ZDHHC15: variants seen among roughly 807,000 people sequenced by gnomAD.
ZDHHC15 encodes the protein zDHHC palmitoyltransferase 15.
A neutral mutation model predicts 31.7 loss-of-function variants in ZDHHC15; 19 were observed. The observed-to-expected ratio is 0.60, with a 90% confidence interval of 0.42 to 0.88. ZDHHC15 has a LOEUF of 0.88. ZDHHC15 is among the 40% of genes least tolerant of loss of function. The pLI, the probability that ZDHHC15 is intolerant of heterozygous loss-of-function variation, is 0.00. For synonymous variants in ZDHHC15, 103 were observed against 90.0 expected (o/e 1.14, Z -0.82); for missense variants, 209 against 251.2 (o/e 0.83, Z 1.14).
At chrX:75,443,945 A>G (rs2083986256) in intron 4 of ZDHHC15, among the ~76,000 whole-genome samples, 1 of 110,409 alleles carries the variant, frequency 9.1e-6, no homozygotes, top group Admixed American at 9.7e-5. Flanking sequence ...TTAGAATGGC[A>G]ATCATTAAAA....
chrX:75,478,797 G>C, intron 3 of ZDHHC15, 94 bp downstream of exon 3: 1 of 638,777 alleles, frequency 1.6e-6, no homozygotes, highest in Non-Finnish European at 2.4e-6. Context: ...TGACTCTTTC[G>C]TATTATTTAC....
At chrX:75,454,684 G>A (rs1387236656) in intron 3 of ZDHHC15, among the ~76,000 whole-genome samples, 2 of 111,243 alleles carry the variant, frequency 1.8e-5, no homozygotes, top group East Asian at 2.8e-4. Flanking sequence ...TTAACGGGTG[G>A]AGCACACCAA....
At chrX:75,413,888 C>T (rs2083514661) in intron 10 of ZDHHC15, among the ~76,000 whole-genome samples, 1 of 109,269 alleles carries the variant, frequency 9.2e-6, no homozygotes. Context: ...CAGCAGTTTT[C>T]ATTTAAGAAT....
intron 1 of ZDHHC15, among the ~76,000 whole-genome samples, chrX:75,522,589 C>T (rs2085458000): frequency 9.0e-6 from 1 of 110,882 alleles, no homozygotes; most frequent in South Asian, 3.9e-4. Context: ...GCACAAGGTG[C>T]AGATGGTTGC....
intron 10 of ZDHHC15, among the ~76,000 whole-genome samples, chrX:75,395,052 C>T (rs1452141763): frequency 9.0e-6 from 1 of 111,142 alleles, no homozygotes; most frequent in Non-Finnish European, 1.9e-5. Context: ...AAATCAATAA[C>T]AAGAGGAAGT....
intron 9 of ZDHHC15, among the ~76,000 whole-genome samples, chrX:75,419,823 A>G (rs753306521): frequency 6.5e-5 from 7 of 107,588 alleles, no homozygotes; most frequent in African/African-American, 2.0e-4. Flanking sequence ...GCTGGAAACC[A>G]TCATTCTCGG....
At chrX:75,406,061 C>G (rs896759615) in intron 10 of ZDHHC15, among the ~76,000 whole-genome samples, 1 of 111,655 alleles carries the variant, frequency 9.0e-6, no homozygotes, top group African/African-American at 3.3e-5. Flanking sequence ...AACCCTGGAA[C>G]CTGCACAAAC....
chrX:75,499,293 A>G (rs1335983393), intron 2 of ZDHHC15, among the ~76,000 whole-genome samples: 1 of 112,051 alleles, frequency 8.9e-6, no homozygotes, highest in Non-Finnish European at 1.9e-5. Context: ...GACTTAAACT[A>G]AAAAGCTTCT....
rs145229482 is a variant in ZDHHC15 at position 75,410,602 on chromosome X, C to A, written c.967+6485G>T. 2.9e-4 allele frequency among the ~76,000 whole-genome samples: 32 copies of A among 111,606 alleles called. No individual in the cohort carries two copies. The East Asian group carries it at 7.9e-3, about 28-fold the overall frequency. ...ACCGTGAATAATGGATGCTACCAAGCACATGAAAGGGGAATGCTTGCACAC... is the reference window on the plus strand; with the variant it reads ...ACCGTGAATAATGGATGCTACCAAGAACATGAAAGGGGAATGCTTGCACAC... On this transcript the variant is annotated intron_variant, in intron 10 of 11. Coordinates refer to ENST00000373367, the MANE Select transcript of ZDHHC15 (RefSeq NM_144969.3).
At chrX:75,375,549 C>A (rs1176728104) in intron 11 of ZDHHC15, among the ~76,000 whole-genome samples, 2 of 111,054 alleles carry the variant, frequency 1.8e-5, no homozygotes, top group Non-Finnish European at 3.8e-5. Context: ...GTTTTTCAAC[C>A]CACCCCCTTC....
At chrX:75,409,185 C>T (rs73220085) in intron 10 of ZDHHC15, among the ~76,000 whole-genome samples, 87 of 111,780 alleles carry the variant, frequency 7.8e-4, no homozygotes, top group Non-Finnish European at 1.4e-3. Context: ...ACCACACTAC[C>T]TAATTTCAAA....
chrX:75,460,449 C>T (rs2084294950), intron 3 of ZDHHC15, among the ~76,000 whole-genome samples: 1 of 111,561 alleles, frequency 9.0e-6, no homozygotes, highest in Admixed American at 9.5e-5. Flanking sequence ...CAGACTGCTT[C>T]TTTAAGTGGG....
intron 1 of ZDHHC15, among the ~76,000 whole-genome samples, chrX:75,514,821 C>T: frequency 9.0e-6 from 1 of 111,383 alleles, no homozygotes; most frequent in African/African-American, 3.3e-5. Context: ...AATTGTGAGG[C>T]AGCAGCAAGA....
At chrX:75,455,595 A>G (rs1025683565) in intron 3 of ZDHHC15, among the ~76,000 whole-genome samples, 1 of 111,960 alleles carries the variant, frequency 8.9e-6, no homozygotes, top group Admixed American at 9.5e-5. Context: ...ACAGAATGGG[A>G]GAAAATTTTT....
At chrX:75,484,543 C>G (rs192309233) in intron 2 of ZDHHC15, among the ~76,000 whole-genome samples, 80 of 111,766 alleles carry the variant, frequency 7.2e-4, no homozygotes, top group African/African-American at 2.6e-3. Flanking sequence ...TCACCACCAC[C>G]AACAAAAACA....
At chrX:75,484,109 T>C (rs1272579627) in intron 2 of ZDHHC15, among the ~76,000 whole-genome samples, 1 of 112,433 alleles carries the variant, frequency 8.9e-6, no homozygotes, top group African/African-American at 3.2e-5. Flanking sequence ...ATCAATCTGC[T>C]GTACATTATC....
chrX:75,479,004 C>G lies in ZDHHC15; in HGVS notation c.164-19G>C, dbSNP rs73221916. On this transcript the variant is annotated intron_variant, in intron 2 of 11. Coordinates refer to ENST00000373367, the MANE Select transcript of ZDHHC15 (RefSeq NM_144969.3). ...TAAATAACTGAAATAAAAAAAAAATCAGTGTTTATACTATCTTTTTATCCA... is the reference window on the plus strand; with the variant it reads ...TAAATAACTGAAATAAAAAAAAAATGAGTGTTTATACTATCTTTTTATCCA... 6 of 1,036,187 alleles carry G rather than the reference C, an allele frequency of 5.8e-6. No individual in the cohort carries two copies. The Admixed American group carries it at 1.3e-4, about 22-fold the overall frequency. The allele number at this position is 1,036,187 out of a possible 1,213,427, so 85.4% of individuals were successfully genotyped here. A position where few individuals can be genotyped will look rare whatever the true frequency, so the allele number is the denominator to read the frequency against.
intron 11 of ZDHHC15, among the ~76,000 whole-genome samples, chrX:75,378,688 G>T (rs966354361): frequency 8.9e-6 from 1 of 111,772 alleles, no homozygotes; most frequent in Non-Finnish European, 1.9e-5. Context: ...GAGGGTTACA[G>T]TGTAGGAAGG....
intron 3 of ZDHHC15, among the ~76,000 whole-genome samples, chrX:75,464,894 C>G (rs1003094817): frequency 1.8e-5 from 2 of 111,844 alleles, no homozygotes; most frequent in Non-Finnish European, 3.8e-5. Context: ...AAAACTGGCA[C>G]AAGATAAGGA....
Sources: gnomAD v4.1 joint callset for allele counts (sites outside exome capture counted in the v4.1 genomes callset) on GRCh38, gnomAD v4.1.1 for gene constraint, MANE v1.5 for transcripts, NCBI Gene and HGNC (gene_info 2026-07-23, HGNC 2026-07-21) for gene names.